The following PCDHGB2 variants were observed in gnomAD, a reference collection of about 807,000 sequenced individuals.
PCDHGB2 encodes the protein protocadherin gamma-B2.
A neutral mutation model predicts 59.3 loss-of-function variants in PCDHGB2; 55 were observed. The ratio of observed to expected loss-of-function variants is 0.93; its 90% CI spans 0.75 to 1.16. The LOEUF (loss-of-function observed/expected upper bound fraction) is 1.16, where lower values mean the gene tolerates loss of function less well. Among genes scored for constraint, PCDHGB2 ranks in the 50% most tolerant of loss-of-function variants. PCDHGB2 has a pLI of 0.00. For synonymous variants in PCDHGB2, 516 were observed against 512.0 expected (o/e 1.01, Z -0.11); for missense variants, 1,228 against 1,198.5 (o/e 1.02, Z -0.36).
intron 1 of PCDHGB2, among the ~76,000 whole-genome samples, chr5:141,459,613 C>T (rs1040874685): frequency 2.6e-5 from 4 of 152,188 alleles, no homozygotes; most frequent in African/African-American, 9.7e-5. Context: ...ATATGCTTAA[C>T]TTTATAAGAA....
At chr5:141,445,781 G>A (rs1424622281) in intron 1 of PCDHGB2, among the ~76,000 whole-genome samples, 25 of 152,112 alleles carry the variant, frequency 1.6e-4, no homozygotes, top group Admixed American at 1.6e-3. Flanking sequence ...AAAGGGCTAG[G>A]GAGGCTAGAA....
chr5:141,485,338 T>C lies in PCDHGB2; in HGVS notation c.2422-9469T>C, dbSNP rs1259658641. The stretch of plus-strand genomic sequence containing the variant: ...ATGTCGCTCAAGATTTCCTGCTGGA[T>C]ACGGACAGTCTGTCAGCTCGCAGGC... On this transcript the variant is annotated intron_variant, in intron 1 of 3. Coordinates refer to ENST00000522605, the MANE Select transcript of PCDHGB2 (RefSeq NM_018923.3). The surrounding 1 kb of genome is among the most constrained non-coding windows in gnomAD (Gnocchi z 5.7). 1 of 1,614,140 alleles carries C rather than the reference T, an allele frequency of 6.2e-7. No individual in the cohort carries two copies. Among genetic ancestry groups the C allele is most frequent in the Non-Finnish European group, 8.5e-7 (1 of 1,180,006 alleles).
chr5:141,389,405 G>A (rs758428464), intron 1 of PCDHGB2: 16 of 1,613,614 alleles, frequency 9.9e-6, no homozygotes. Flanking sequence ...CCATAAGCGC[G>A]GAGAGCGGGG....
chr5:141,451,001 A>T (rs909477017), intron 1 of PCDHGB2, among the ~76,000 whole-genome samples: 2 of 148,266 alleles, frequency 1.3e-5, no homozygotes, highest in Middle Eastern at 3.4e-3. Context: ...ATTTTTTTGT[A>T]TTTTTTTTAG....
chr5:141,417,874 C>A (rs768197455), intron 1 of PCDHGB2: 2 of 1,555,202 alleles, frequency 1.3e-6, no homozygotes, highest in African/African-American at 2.7e-5. Context: ...GAGGGAGCTG[C>A]GCGCAGAGGC....
chr5:141,419,735 G>T (rs1013306543), intron 1 of PCDHGB2: 1 of 1,613,806 alleles, frequency 6.2e-7, no homozygotes, highest in Non-Finnish European at 8.5e-7. Context: ...AACAGGCGAG[G>T]TGCGCATGGT....
chr5:141,384,897 C>A, intron 1 of PCDHGB2: 1 of 1,613,922 alleles, frequency 6.2e-7, no homozygotes, highest in Non-Finnish European at 8.5e-7. Flanking sequence ...CTGTGGCTGA[C>A]AGCATCCCCG....
chr5:141,421,243 C>T (rs201273667), intron 1 of PCDHGB2: 12 of 1,601,540 alleles, frequency 7.5e-6, no homozygotes, highest in Non-Finnish European at 1.0e-5. Flanking sequence ...GAATCGGCTA[C>T]AGCGCGGGGA....
chr5:141,476,236 AAG>A lies in PCDHGB2; in HGVS notation c.2422-18565_2422-18564del. ...TCATTCACTATGAGATCCCGGAGGA[AAG>A]AGAGAAGGGTTTCGCTGTGGGCAAC... is the stretch of plus-strand genomic sequence containing the variant. On this transcript the variant is annotated intron_variant, in intron 1 of 3. Transcript: ENST00000522605. The surrounding 1 kb of genome is among the most constrained non-coding windows in gnomAD (Gnocchi z 7.6). 2.5e-6 allele frequency: 4 copies of A among 1,613,980 alleles called. No individual in the cohort carries two copies. Among genetic ancestry groups the A allele is most frequent in the Non-Finnish European group, 3.4e-6 (4 of 1,180,004 alleles).
At chr5:141,453,145 G>A (rs1329081754) in intron 1 of PCDHGB2, among the ~76,000 whole-genome samples, 3 of 151,752 alleles carry the variant, frequency 2.0e-5, no homozygotes, top group Admixed American at 6.6e-5. Context: ...ATAGGGTCTC[G>A]CTATGTCACC....
intron 1 of PCDHGB2, 48 bp from the exon 2 acceptor site, chr5:141,494,759 C>CT: frequency 6.2e-7 from 1 of 1,613,886 alleles, no homozygotes; most frequent in Non-Finnish European, 8.5e-7. Flanking sequence ...GGGTGACATT[C>CT]TAACTTCTCA....
chr5:141,507,504 C>T (rs1443873775), intron 3 of PCDHGB2, among the ~76,000 whole-genome samples: 1 of 152,138 alleles, frequency 6.6e-6, no homozygotes, highest in Admixed American at 6.5e-5. Flanking sequence ...TGTCCCAGGT[C>T]TGGTGGGGCT....
chr5:141,431,206 G>A lies in PCDHGB2; in HGVS notation c.2422-63601G>A, dbSNP rs17097300. On this transcript the variant is annotated intron_variant, in intron 1 of 3. Coordinates refer to ENST00000522605, the MANE Select transcript of PCDHGB2 (RefSeq NM_018923.3). The surrounding 1 kb of genome is among the most constrained non-coding windows in gnomAD (Gnocchi z 4.8). ...AAATTAGTGAAAATGCAGCCACTGA[G>A]ATGCGGTTCCCTCTACCCCACGCCT... The A allele has an allele frequency of 0.041, 66,767 of 1,614,172 alleles. 3,763 individuals carry two copies. Among genetic ancestry groups the A allele is most frequent in the Admixed American group, 0.27 (16,026 of 60,028 alleles).
intron 1 of PCDHGB2, among the ~76,000 whole-genome samples, chr5:141,425,471 T>A (rs2096877403): frequency 6.6e-6 from 1 of 152,218 alleles, no homozygotes; most frequent in African/African-American, 2.4e-5. Flanking sequence ...TGTTATTAAT[T>A]CCTATGGCAA....
At chr5:141,366,182 G>T (rs1449596963) in intron 1 of PCDHGB2, 4 of 1,613,888 alleles carry the variant, frequency 2.5e-6, no homozygotes, top group African/African-American at 1.3e-5. Flanking sequence ...AGGACTCTTT[G>T]CGGTTGGGCT....
intron 1 of PCDHGB2, among the ~76,000 whole-genome samples, chr5:141,397,434 A>G (rs1343347268): frequency 1.3e-5 from 2 of 152,238 alleles, no homozygotes; most frequent in African/African-American, 4.8e-5. Context: ...TTTCCCTAAT[A>G]TGTGTAATAT....
chr5:141,379,963 G>A (rs1181673658), intron 1 of PCDHGB2, among the ~76,000 whole-genome samples: 1 of 124,340 alleles, frequency 8.0e-6, no homozygotes, highest in African/African-American at 3.0e-5. Context: ...GCAGTGGTGT[G>A]ATCTCTGCTC....
rs2099664737 is a variant in PCDHGB2, at chr5:141,487,754, G to GTAGAC, written c.2422-7052_2422-7048dup. 1 of 1,552,036 alleles carries GTAGAC rather than the reference G, an allele frequency of 6.4e-7. No homozygotes were observed. The highest frequency in any genetic ancestry group is 1.4e-5 in the African/African-American group (1 of 73,242). ...CATTTTTGTAAGAGGTAACTATGTG[G>GTAGAC]TAGACGCTGTGCTTTGTAACTGTTT... On this transcript the variant is annotated intron_variant, in intron 1 of 3. Transcript: ENST00000522605. This position sits in a 1 kb window ranked among gnomAD's most constrained non-coding sequence, Gnocchi z 5.0.
Position 141,486,278 on chromosome 5 carries a change from G to C in PCDHGB2, c.2422-8529G>C, listed in dbSNP as rs774763063. On this transcript the variant is annotated intron_variant, in intron 1 of 3. Coordinates refer to ENST00000522605, the MANE Select transcript of PCDHGB2 (RefSeq NM_018923.3). The surrounding 1 kb of genome is among the most constrained non-coding windows in gnomAD (Gnocchi z 5.0). ...CGAGAGTGCAGAACCTGGCACTGTG[G>C]TGGCACTTATCAGTGTGCAGGATCC... is the stretch of plus-strand genomic sequence containing the variant. 4 of 1,613,970 alleles carry C rather than the reference G, an allele frequency of 2.5e-6. No individual in the cohort carries two copies. In the South Asian group the frequency reaches 4.4e-5, roughly 18 times the overall value.
Sources: allele counts gnomAD v4.1 joint callset (sites outside exome capture counted in the v4.1 genomes callset), GRCh38; gene constraint gnomAD v4.1.1; non-coding constraint Gnocchi (gnomAD v3.1); transcripts MANE v1.5; gene names NCBI Gene and HGNC (gene_info 2026-07-23, HGNC 2026-07-21).